Variants in PTPRN2 observed in about 807,000 individuals in gnomAD.
PTPRN2 encodes the protein receptor-type tyrosine-protein phosphatase N2.
In PTPRN2, 74 loss-of-function variants were observed where a neutral mutation model predicts 118.8. The ratio of observed to expected loss-of-function variants is 0.62; its 90% CI spans 0.52 to 0.76. The LOEUF is 0.76. Among genes scored for constraint, PTPRN2 ranks in the 30% least tolerant of loss-of-function variants. The pLI is 0.00. For missense variants in PTPRN2, 1,481 were observed against 1,394.4 expected (o/e 1.06, Z -0.99); for synonymous variants, 641 against 608.0 (o/e 1.05, Z -0.80).
chr7:157,701,137 A>G (rs545377611), intron 12 of PTPRN2, among the ~76,000 whole-genome samples: 125 of 152,010 alleles, frequency 8.2e-4, no homozygotes, highest in African/African-American at 3.0e-3. Context: ...TTTTTTTTCC[A>G]GTTTTACAGA....
chr7:157,904,494 G>A (rs562910170), intron 11 of PTPRN2, among the ~76,000 whole-genome samples: 5 of 152,324 alleles, frequency 3.3e-5, no homozygotes, highest in Middle Eastern at 3.4e-3. Context: ...TGGAAAGCCC[G>A]ACAGTGCCCT....
chr7:158,404,122 T>C (rs1813166062), intron 2 of PTPRN2, among the ~76,000 whole-genome samples: 1 of 152,160 alleles, frequency 6.6e-6, no homozygotes, highest in Non-Finnish European at 1.5e-5. Flanking sequence ...GCCGTGACAA[T>C]AGGAGAGATC....
At chr7:157,642,814 CAAAAAA>C (rs11335302) in intron 14 of PTPRN2, among the ~76,000 whole-genome samples, 3 of 24,222 alleles carry the variant, frequency 1.2e-4, no homozygotes, top group African/African-American at 3.3e-4. Context: ...CAAGAAACAG[CAAAAAA>C]AAAAAAAAAA....
At chr7:158,537,201 G>A (rs1825696753) in intron 1 of PTPRN2, among the ~76,000 whole-genome samples, 1 of 149,336 alleles carries the variant, frequency 6.7e-6, no homozygotes, top group African/African-American at 2.5e-5. Flanking sequence ...AACATCCATT[G>A]TTTAAGCCCG....
At chr7:157,732,511 C>T (rs866703974) in intron 12 of PTPRN2, among the ~76,000 whole-genome samples, 37 of 14,616 alleles carry the variant, frequency 2.5e-3, no homozygotes, top group African/African-American at 4.9e-3. Context: ...GTTACCCTTT[C>T]CCGTCCCATG....
rs1802180240 is a variant in PTPRN2, at chr7:157,609,164, C to T, written c.2345-5089G>A. Among the ~76,000 whole-genome samples the T allele has an allele frequency of 6.6e-6, 1 of 152,188 alleles. No homozygotes were observed. Among genetic ancestry groups the T allele is most frequent in the Non-Finnish European group, 1.5e-5 (1 of 68,036 alleles). ...TTGGGAGGCTGAGGTGGGTGGATCA[C>T]CTGAGGTCAGGAGTTCGAGACCAGT... is the stretch of plus-strand genomic sequence containing the variant. On this transcript the variant is annotated intron_variant, in intron 15 of 22. Coordinates refer to ENST00000389418, the MANE Select transcript of PTPRN2 (RefSeq NM_002847.5). This position sits in a 1 kb window ranked among gnomAD's most constrained non-coding sequence, Gnocchi z 4.9.
At chr7:157,864,418 A>G (rs1474957221) in intron 12 of PTPRN2, 1 of 152,238 alleles carries the variant, frequency 6.6e-6, no homozygotes, top group Admixed American at 6.5e-5. Flanking sequence ...GATGGGCTGT[A>G]TTAGGCAGAT....
chr7:157,929,238 C>T lies in PTPRN2; in HGVS notation c.1724-30501G>A, dbSNP rs1009661600. On this transcript the variant is annotated intron_variant, in intron 11 of 22. Transcript: ENST00000389418. This position sits in a 1 kb window ranked among gnomAD's most constrained non-coding sequence, Gnocchi z 4.4. Reference sequence around the variant, plus strand: ...GGCATGACCCCCTCCCCATAACCCACAGCCCCTCTTCCCCAGTACGCCGTG... The same window carrying T: ...GGCATGACCCCCTCCCCATAACCCATAGCCCCTCTTCCCCAGTACGCCGTG... Among the ~76,000 whole-genome samples, 1 of 152,174 alleles carries T rather than the reference C, an allele frequency of 6.6e-6. No homozygotes were observed. Among genetic ancestry groups the T allele is most frequent in the African/African-American group, 2.4e-5 (1 of 41,430 alleles).
At chr7:158,539,751 A>T in intron 1 of PTPRN2, 3 of 211,040 alleles carry the variant, frequency 1.4e-5, no homozygotes, top group Admixed American at 6.4e-5. Flanking sequence ...AGCTGATGAC[A>T]GCTGGAACCG....
chr7:157,652,548 A>G (rs1286685568), intron 14 of PTPRN2, among the ~76,000 whole-genome samples: 4 of 152,156 alleles, frequency 2.6e-5, no homozygotes, highest in African/African-American at 9.6e-5. Context: ...GGCTGCCCCA[A>G]TGACCTGCCC....
At chr7:158,243,104 T>C (rs1795989117) in intron 3 of PTPRN2, among the ~76,000 whole-genome samples, 1 of 152,224 alleles carries the variant, frequency 6.6e-6, no homozygotes, top group South Asian at 2.1e-4. Flanking sequence ...GGTGTAATGT[T>C]AGGTTGATTA....
chr7:158,290,504 A>G (rs1037378566), intron 3 of PTPRN2, among the ~76,000 whole-genome samples: 18 of 152,098 alleles, frequency 1.2e-4, no homozygotes, highest in African/African-American at 4.3e-4. Flanking sequence ...CCTACCTGGT[A>G]TTGGGGCAGG....
At chr7:157,954,220 CAT>C (rs1563270733) in intron 11 of PTPRN2, among the ~76,000 whole-genome samples, 949 of 32,750 alleles carry the variant, frequency 0.029, 22 homozygotes, top group African/African-American at 0.081. Flanking sequence ...GTAGTCTCTG[CAT>C]GTGTGTCCAT....
chr7:158,121,193 C>A (rs1817147121), intron 9 of PTPRN2, among the ~76,000 whole-genome samples: 2 of 152,030 alleles, frequency 1.3e-5, no homozygotes, highest in Non-Finnish European at 2.9e-5. Context: ...GCCCCCTGCA[C>A]CCCAGCCTCC....
chr7:157,838,173 T>C (rs1808110883), intron 12 of PTPRN2, among the ~76,000 whole-genome samples: 1 of 148,506 alleles, frequency 6.7e-6, no homozygotes, highest in Non-Finnish European at 1.5e-5. Context: ...CCTACTCCAG[T>C]TCCTCTCATA....
At chr7:158,332,294 A>C (rs778772778) in intron 2 of PTPRN2, among the ~76,000 whole-genome samples, 37 of 147,718 alleles carry the variant, frequency 2.5e-4, no homozygotes, top group Admixed American at 9.3e-4. Context: ...TGACATCTGC[A>C]GACGTCACTC....
chr7:158,325,231 C>T (rs951830188), intron 2 of PTPRN2, among the ~76,000 whole-genome samples: 1 of 151,844 alleles, frequency 6.6e-6, no homozygotes, highest in Non-Finnish European at 1.5e-5. Flanking sequence ...TTCCTTCCAC[C>T]AAACGCCGTG....
chr7:158,538,544 C>T (rs149291525), intron 1 of PTPRN2, among the ~76,000 whole-genome samples: 5 of 152,278 alleles, frequency 3.3e-5, no homozygotes, highest in South Asian at 2.1e-4. Flanking sequence ...CTCTCCCAGC[C>T]GTCACACATG....
At chr7:158,375,037 T>C (rs1354367053) in intron 2 of PTPRN2, among the ~76,000 whole-genome samples, 7 of 152,184 alleles carry the variant, frequency 4.6e-5, no homozygotes, top group Admixed American at 3.9e-4. Context: ...GAGGAAAAGA[T>C]AGATGAGAAA....
Sources: allele counts gnomAD v4.1 joint callset (sites outside exome capture counted in the v4.1 genomes callset), GRCh38; gene constraint gnomAD v4.1.1; non-coding constraint Gnocchi (gnomAD v3.1); transcripts MANE v1.5; gene names NCBI Gene and HGNC (gene_info 2026-07-23, HGNC 2026-07-21).